Variants in GRIP1 observed in about 807,000 individuals in gnomAD.
The protein encoded by GRIP1 is glutamate receptor-interacting protein 1.
In GRIP1, 45 loss-of-function variants were observed where a neutral mutation model predicts 129.9. The observed-to-expected ratio is 0.35, with a 90% CI of 0.27 to 0.44. The LOEUF (loss-of-function observed/expected upper bound fraction) is 0.44, where lower values mean the gene tolerates loss of function less well. Ranked by LOEUF, GRIP1 falls within the 20% of genes least tolerant of loss-of-function variation. The pLI is 1.00. For synonymous variants in GRIP1, 530 were observed against 520.8 expected, an observed-to-expected ratio of 1.02 and a Z score of -0.24; for missense variants, 1,196 against 1,396.8, an observed-to-expected ratio of 0.86 and a Z score of 2.29.
chr12:66,797,063 T>C (rs1431690951), intron 1 of GRIP1, among the ~76,000 whole-genome samples: 1 of 152,132 alleles, frequency 6.6e-6, no homozygotes. Context: ...GTTGTAAGAT[T>C]ATGTAATAGT....
chr12:66,437,887 G>A (rs1334222358), intron 13 of GRIP1, among the ~76,000 whole-genome samples: 2 of 152,228 alleles, frequency 1.3e-5, no homozygotes, highest in Admixed American at 1.3e-4. Context: ...TCAGTGCAGT[G>A]TGATATGGTG....
At chr12:66,477,228 C>T (rs1413394239) in intron 7 of GRIP1, among the ~76,000 whole-genome samples, 1 of 152,098 alleles carries the variant, frequency 6.6e-6, no homozygotes, top group Non-Finnish European at 1.5e-5. Flanking sequence ...TTCCTCTACA[C>T]CAATAACAGA....
intron 1 of GRIP1, among the ~76,000 whole-genome samples, chr12:66,904,534 G>T (rs2040896450): frequency 6.6e-6 from 1 of 152,016 alleles, no homozygotes; most frequent in South Asian, 2.1e-4. Context: ...TCTAATTGGG[G>T]AGTTCATCAT....
intron 15 of GRIP1, among the ~76,000 whole-genome samples, chr12:66,417,321 C>T (rs1271990015): frequency 6.6e-6 from 1 of 152,136 alleles, no homozygotes; most frequent in Non-Finnish European, 1.5e-5. Flanking sequence ...TACAACAGAG[C>T]TGCTGCTAGT....
At chr12:66,410,207 G>A (rs7398602) in intron 15 of GRIP1, among the ~76,000 whole-genome samples, 81,163 of 121,504 alleles carry the variant, frequency 0.67, 28,107 homozygotes, top group Middle Eastern at 0.8. Context: ...CCGAGATCCC[G>A]CCACTGCACT....
chr12:66,698,173 G>C (rs1251051417), intron 1 of GRIP1, among the ~76,000 whole-genome samples: 1 of 152,132 alleles, frequency 6.6e-6, no homozygotes, highest in Non-Finnish European at 1.5e-5. Context: ...CATGAGATTT[G>C]TCTCAAAATT....
chr12:66,778,005 G>A (rs1566017393), intron 1 of GRIP1, among the ~76,000 whole-genome samples: 1 of 152,062 alleles, frequency 6.6e-6, no homozygotes, highest in Non-Finnish European at 1.5e-5. Context: ...AAAATGAACT[G>A]TAAAATACAC....
At chr12:66,806,392 T>C (rs1229325926), upstream of GRIP1, among the ~76,000 whole-genome samples, 1 of 152,216 alleles carries the variant, frequency 6.6e-6, no homozygotes, top group Non-Finnish European at 1.5e-5. Context: ...CTTTCATTTT[T>C]AATGGACCAA....
chr12:66,519,583 G>C (rs2060942694), intron 5 of GRIP1, among the ~76,000 whole-genome samples: 1 of 152,254 alleles, frequency 6.6e-6, no homozygotes, highest in South Asian at 2.1e-4. Flanking sequence ...TATATTTCTT[G>C]ATATGTGGCA....
intron 1 of GRIP1, among the ~76,000 whole-genome samples, chr12:66,663,494 G>C (rs546284569): frequency 6.6e-6 from 1 of 152,202 alleles, no homozygotes; most frequent in Admixed American, 6.5e-5. Context: ...TTGCTTCATG[G>C]CACAGAGCTT....
intron 1 of GRIP1, among the ~76,000 whole-genome samples, chr12:66,842,930 C>A (rs1392145649): frequency 3.3e-5 from 5 of 152,050 alleles, no homozygotes; most frequent in Admixed American, 6.6e-5. Context: ...GTCTGTAGGA[C>A]CCCTTGATAT....
chr12:66,910,773 T>C lies in GRIP1; in HGVS notation c.58+158277A>G, dbSNP rs377302272. On this transcript the variant is annotated intron_variant, in intron 1 of 1. Coordinates refer to the GRIP1 transcript ENST00000643019. The stretch of plus-strand genomic sequence containing the variant: ...ACTTGACTTTGTAGACCAGTGATTC[T>C]AAAACTATGTCCCTAGAAGTTCTTC... Among the ~76,000 whole-genome samples the C allele has an allele frequency of 7.9e-5, 12 of 152,278 alleles. 1 individual carries two copies. Among genetic ancestry groups the C allele is most frequent in the African/African-American group, 2.9e-4 (12 of 41,562 alleles).
intron 1 of GRIP1, among the ~76,000 whole-genome samples, chr12:66,722,506 A>G (rs183142166): frequency 6.6e-6 from 1 of 152,314 alleles, no homozygotes; most frequent in Non-Finnish European, 1.5e-5. Context: ...ACAGATCACC[A>G]TAACAGATAT....
At chr12:66,475,864 C>G (rs190027399) in intron 7 of GRIP1, among the ~76,000 whole-genome samples, 1 of 152,224 alleles carries the variant, frequency 6.6e-6, no homozygotes, top group East Asian at 1.9e-4. Flanking sequence ...TAAATGCCCA[C>G]AAGAGAAAGC....
intron 7 of GRIP1, among the ~76,000 whole-genome samples, chr12:66,491,244 A>C (rs559975602): frequency 1.3e-5 from 2 of 152,376 alleles, no homozygotes; most frequent in South Asian, 4.1e-4. Flanking sequence ...CTGGATAAAG[A>C]AAATGTGGTA....
At chr12:66,586,858 G>A (rs185026822) in intron 2 of GRIP1, among the ~76,000 whole-genome samples, 362 of 152,234 alleles carry the variant, frequency 2.4e-3, no homozygotes, top group African/African-American at 8.0e-3. Context: ...TGGTCTTCTT[G>A]TTTCCACTTT....
intron 1 of GRIP1, among the ~76,000 whole-genome samples, chr12:66,850,815 C>T (rs2039897666): frequency 1.3e-5 from 2 of 151,844 alleles, no homozygotes; most frequent in South Asian, 4.2e-4. Context: ...TATCTATCAA[C>T]TGATAGATTA....
intron 1 of GRIP1, among the ~76,000 whole-genome samples, chr12:67,022,669 G>A (rs888170898): frequency 9.2e-5 from 14 of 152,112 alleles, no homozygotes; most frequent in African/African-American, 3.4e-4. Context: ...AGTTTAACCT[G>A]CATTTCCCTA....
chr12:66,659,020 C>T (rs928661982), intron 1 of GRIP1, among the ~76,000 whole-genome samples: 7 of 152,170 alleles, frequency 4.6e-5, no homozygotes, highest in African/African-American at 1.7e-4. Flanking sequence ...CTTGCTTACC[C>T]TGCTCTAGCA....
Sources: gnomAD v4.1 joint callset for allele counts (sites outside exome capture counted in the v4.1 genomes callset) on GRCh38, gnomAD v4.1.1 for gene constraint, MANE v1.5 for transcripts, NCBI Gene and HGNC (gene_info 2026-07-23, HGNC 2026-07-21) for gene names.